HUWE1: variants seen among roughly 807,000 people sequenced by gnomAD.
The protein encoded by HUWE1 is E3 ubiquitin-protein ligase HUWE1.
HUWE1 carries 18 observed loss-of-function variants against 299.4 expected under a neutral mutation model. The observed-to-expected ratio is 0.06, with a 90% CI of 0.04 to 0.09. The LOEUF (loss-of-function observed/expected upper bound fraction) is 0.09, where lower values mean the gene tolerates loss of function less well. Ranked by LOEUF, HUWE1 falls within the 10% of genes least tolerant of loss-of-function variation. The pLI is 1.00. For synonymous variants in HUWE1, 1,317 were observed against 1,286.1 expected (o/e 1.02, Z -0.51); for missense variants, 1,832 against 3,462.3 (o/e 0.53, Z 11.82).
chrX:53,570,812 C>T (rs1219051632), intron 47 of HUWE1, among the ~76,000 whole-genome samples: 3 of 112,042 alleles, frequency 2.7e-5, no homozygotes, highest in African/African-American at 9.7e-5. Flanking sequence ...GTACTAAATG[C>T]CACTCAACAG....
chrX:53,668,499 GAAGTA>G (rs1411662424), intron 3 of HUWE1, among the ~76,000 whole-genome samples: 7 of 108,148 alleles, frequency 6.5e-5, no homozygotes, highest in African/African-American at 1.7e-4. Context: ...AAGTAAAAAT[GAAGTA>G]AAGGACAACA....
At chrX:53,620,189 C>T (rs1189186063) in intron 19 of HUWE1, among the ~76,000 whole-genome samples, 4 of 110,817 alleles carry the variant, frequency 3.6e-5, no homozygotes, top group East Asian at 5.7e-4. Context: ...AGGGTACGTA[C>T]GTTACCGCTC....
intron 3 of HUWE1, among the ~76,000 whole-genome samples, chrX:53,662,505 T>C (rs1380289774): frequency 2.7e-5 from 3 of 111,834 alleles, no homozygotes; most frequent in African/African-American, 9.8e-5. Flanking sequence ...TTGGTCCCAC[T>C]GTAATTTTTC....
At chrX:53,637,766 T>G (rs2067308313) in intron 7 of HUWE1, among the ~76,000 whole-genome samples, 1 of 112,151 alleles carries the variant, frequency 8.9e-6, no homozygotes, top group African/African-American at 3.2e-5. Flanking sequence ...TGAAGAAATA[T>G]TCATCAGATA....
At chrX:53,594,096 CA>C (rs1210312169) in intron 31 of HUWE1, among the ~76,000 whole-genome samples, 1 of 108,322 alleles carries the variant, frequency 9.2e-6, no homozygotes, top group Non-Finnish European at 1.9e-5. Context: ...GACTCCATCT[CA>C]AAAAAAACAA....
At chrX:53,631,304 G>T in intron 11 of HUWE1, 110 bp downstream of exon 11, 1 of 637,135 alleles carries the variant, frequency 1.6e-6, no homozygotes. Flanking sequence ...CCCATGGTCT[G>T]ACTCCAAAGC....
intron 3 of HUWE1, among the ~76,000 whole-genome samples, chrX:53,657,074 A>G (rs991855020): frequency 1.8e-5 from 2 of 112,373 alleles, no homozygotes; most frequent in African/African-American, 6.5e-5. Flanking sequence ...ATATAGGACA[A>G]TAAAATTTAC....
At position 53,581,031 on chromosome X, in the gene HUWE1, TAAAG is replaced by T. The variant is rs782597178; in HGVS notation, c.5521-9_5521-6del. On this transcript the variant is annotated splice_polypyrimidine_tract_variant and splice_region_variant and intron_variant, in intron 42 of 83. Transcript: ENST00000262854. ...TGTAGCTGCTGAGCGAACAACCTAGTAAAGAGAGAAAGAAACACTGTCGATTAAA... is the reference window on the plus strand; with the variant it reads ...TGTAGCTGCTGAGCGAACAACCTAGTAGAGAAAGAAACACTGTCGATTAAA... 2 of 1,188,666 alleles carry T rather than the reference TAAAG, an allele frequency of 1.7e-6. No individual in the cohort carries two copies. Among genetic ancestry groups the T allele is most frequent in the African/African-American group, 3.5e-5 (2 of 56,693 alleles).
intron 56 of HUWE1, among the ~76,000 whole-genome samples, 180 bp from the exon 57 acceptor site, chrX:53,559,712 G>A (rs1602649348): frequency 8.9e-6 from 1 of 112,418 alleles, no homozygotes; most frequent in East Asian, 2.8e-4. Context: ...TACTTAAGTT[G>A]TATATTATTC....
chrX:53,661,868 TAC>T (rs2069022730), intron 3 of HUWE1, among the ~76,000 whole-genome samples: 1 of 112,114 alleles, frequency 8.9e-6, no homozygotes, highest in African/African-American at 3.2e-5. Flanking sequence ...CTTGGTTTTG[TAC>T]AGTTTACCTG....
chrX:53,540,421 T>C (rs1403304312), intron 74 of HUWE1, among the ~76,000 whole-genome samples: 1 of 110,554 alleles, frequency 9.0e-6, no homozygotes, highest in African/African-American at 3.3e-5. Context: ...CTCCGCCTCC[T>C]GGGTTCAAGC....
At chrX:53,667,446 C>T (rs1326983928) in intron 3 of HUWE1, among the ~76,000 whole-genome samples, 1 of 111,946 alleles carries the variant, frequency 8.9e-6, no homozygotes, top group Non-Finnish European at 1.9e-5. Flanking sequence ...AACATGCTTG[C>T]AATATTTACA....
chrX:53,651,007 G>T (rs782128076), intron 4 of HUWE1, among the ~76,000 whole-genome samples: 1 of 111,076 alleles, frequency 9.0e-6, no homozygotes, highest in African/African-American at 3.3e-5. Flanking sequence ...GACGTTTACT[G>T]GGTTTGTTCT....
chrX:53,645,873 G>C (rs2067997077), intron 6 of HUWE1, among the ~76,000 whole-genome samples: 1 of 106,047 alleles, frequency 9.4e-6, no homozygotes, highest in Admixed American at 1.0e-4. Flanking sequence ...CGTAAATAGT[G>C]GTTCAAAATT....
intron 43 of HUWE1, among the ~76,000 whole-genome samples, chrX:53,579,173 A>C (rs1602809871): frequency 7.3e-5 from 2 of 27,472 alleles, no homozygotes; most frequent in Non-Finnish European, 1.3e-4. Context: ...CTGCCCGGCC[A>C]GCCGCCCCGT....
Position 53,535,512 on chromosome X carries a change from C to G in HUWE1, c.12532-11G>C. 4 of 1,066,311 alleles carry G rather than the reference C, an allele frequency of 3.8e-6. No individual in the cohort carries two copies. Among genetic ancestry groups the G allele is most frequent in the Non-Finnish European group, 5.2e-6 (4 of 764,407 alleles). 87.9% of individuals were successfully genotyped at this position (1,066,311 alleles called of 1,213,427 possible). A position where few individuals can be genotyped will look rare whatever the true frequency, so the allele number is the denominator to read the frequency against. On this transcript the variant is annotated splice_polypyrimidine_tract_variant and intron_variant, in intron 80 of 83. Coordinates refer to ENST00000262854, the MANE Select transcript of HUWE1 (RefSeq NM_031407.7). Reference sequence around the variant, plus strand: ...TCCAAACTCTTGGACCTAGAACAACCAAAACACCAATCATACATATCAGAC... The same window carrying G: ...TCCAAACTCTTGGACCTAGAACAACGAAAACACCAATCATACATATCAGAC...
At chrX:53,633,658 T>C (rs953311748) in intron 8 of HUWE1, among the ~76,000 whole-genome samples, 1 of 112,767 alleles carries the variant, frequency 8.9e-6, no homozygotes, top group African/African-American at 3.2e-5. Flanking sequence ...GTGGAAAATA[T>C]AGTTGCTTCC....
At chrX:53,577,210 CTA>C in intron 43 of HUWE1, 143 bp from the exon 44 acceptor site, 2 of 500,197 alleles carry the variant, frequency 4.0e-6, no homozygotes, top group Non-Finnish European at 7.1e-6. Context: ...AAGTACTCTA[CTA>C]TAAAACCTGG....
chrX:53,643,912 C>T (rs2067789787), intron 7 of HUWE1, among the ~76,000 whole-genome samples: 1 of 111,682 alleles, frequency 9.0e-6, no homozygotes, highest in South Asian at 3.7e-4. Context: ...CAGCCTTCAC[C>T]TCCCAGGCTC....
Sources: allele counts gnomAD v4.1 joint callset (sites outside exome capture counted in the v4.1 genomes callset), GRCh38; gene constraint gnomAD v4.1.1; transcripts MANE v1.5; gene names NCBI Gene and HGNC (gene_info 2026-07-23, HGNC 2026-07-21).